RUSC2: variants seen among roughly 807,000 people sequenced by gnomAD.
RUSC2 encodes the protein RUN and SH3 domain containing 2, also known as AP-4 complex accessory subunit RUSC2.
A neutral mutation model predicts 122.2 loss-of-function variants in RUSC2; 34 were observed. The ratio of observed to expected loss-of-function variants is 0.28; its 90% CI spans 0.21 to 0.37. The LOEUF (loss-of-function observed/expected upper bound fraction) is 0.37. RUSC2 is among the 10% of genes least tolerant of loss of function. The pLI is 1.00. For synonymous variants in RUSC2, 784 were observed against 790.0 expected (o/e 0.99, Z 0.13); for missense variants, 1,747 against 1,952.4 (o/e 0.89, Z 1.98).
In RUSC2 at chr9:35,548,034, C is replaced by T. The variant is rs200615669; in HGVS notation, c.1513C>T (p.Arg505Cys). 22 of 1,613,636 alleles carry T rather than the reference C, an allele frequency of 1.4e-5. No individual in the cohort carries two copies. The highest frequency in any genetic ancestry group is 5.0e-5 in the Admixed American group (3 of 60,016). ...RSRSYDRSLQ[R>C]SPPVRLGSLE... ...CCGCAGCTATGATCGCAGCCTGCAG[C>T]GCAGCCCTCCTGTCCGCCTGGGCTC... Residue 505 changes from arginine to cysteine, a missense_variant, in exon 2 of 12, where the codon CGC (arginine) becomes TGC (cysteine). Coordinates refer to ENST00000361226, the MANE Select transcript of RUSC2 (RefSeq NM_014806.5). The surrounding 1 kb of genome is among the most constrained non-coding windows in gnomAD (Gnocchi z 4.5).
intron 1 of RUSC2, among the ~76,000 whole-genome samples, chr9:35,500,634 G>A (rs982272260): frequency 6.6e-6 from 1 of 152,166 alleles, no homozygotes. Flanking sequence ...AATTTCTCAA[G>A]GTGGCTACTT....
chr9:35,539,193 G>T (rs1433982121), intron 1 of RUSC2: 1 of 142,328 alleles, frequency 7.0e-6, no homozygotes, highest in Non-Finnish European at 1.5e-5. Context: ...TCTGAGGGTT[G>T]GCTTTGTCTT....
At chr9:35,559,990 G>GT (rs1452725624) in intron 9 of RUSC2, 39 bp from the exon 10 acceptor site, 50 of 1,517,926 alleles carry the variant, frequency 3.3e-5, no homozygotes, top group Middle Eastern at 3.5e-4. Flanking sequence ...CCAGGCTCTG[G>GT]TTCTCTGTGT....
In RUSC2 at chr9:35,555,040, T is replaced by C. The variant is rs1217812995; in HGVS notation, c.2015-20T>C. On this transcript the variant is annotated intron_variant, in intron 2 of 11. Transcript: ENST00000361226. The surrounding 1 kb of genome is among the most constrained non-coding windows in gnomAD (Gnocchi z 4.6). ...TTTCAGTGTCTGTCTACTGATTTCT[T>C]CTCCATCCCTTTGCTACAGGGGGTG... 3.1e-6 allele frequency: 5 copies of C among 1,608,192 alleles called. No individual in the cohort carries two copies. In the East Asian group the frequency reaches 8.9e-5, roughly 29 times the overall value.
intron 2 of RUSC2, among the ~76,000 whole-genome samples, chr9:35,553,069 G>A (rs778701796): frequency 1.7e-4 from 26 of 152,188 alleles, no homozygotes; most frequent in Non-Finnish European, 3.2e-4. Flanking sequence ...ACTTAAATAG[G>A]CGGAAAGGAA....
At chr9:35,501,573 T>A (rs1476261317) in intron 1 of RUSC2, among the ~76,000 whole-genome samples, 1 of 152,138 alleles carries the variant, frequency 6.6e-6, no homozygotes, top group African/African-American at 2.4e-5. Flanking sequence ...TGAGGCTCCA[T>A]CTCAAAAGAA....
chr9:35,529,147 T>C (rs756855044), intron 1 of RUSC2, among the ~76,000 whole-genome samples: 6 of 152,078 alleles, frequency 3.9e-5, no homozygotes, highest in Non-Finnish European at 5.9e-5. Context: ...TTGAACATCA[T>C]TGGGGAAATA....
At chr9:35,554,167 T>C (rs904746526) in intron 2 of RUSC2, among the ~76,000 whole-genome samples, 1 of 152,072 alleles carries the variant, frequency 6.6e-6, no homozygotes, top group Non-Finnish European at 1.5e-5. Flanking sequence ...AGATCTACAG[T>C]GTTTTGTTGG....
intron 1 of RUSC2, among the ~76,000 whole-genome samples, chr9:35,511,944 G>A (rs975434118): frequency 1.3e-5 from 2 of 152,168 alleles, no homozygotes; most frequent in African/African-American, 4.8e-5. Context: ...ACTTTGGGAG[G>A]CCGAGGCAGG....
At chr9:35,493,318 TC>T (rs1820605309) in intron 1 of RUSC2, among the ~76,000 whole-genome samples, 2 of 152,176 alleles carry the variant, frequency 1.3e-5, no homozygotes, top group Non-Finnish European at 2.9e-5. Flanking sequence ...ATGATCTCAT[TC>T]TTTTTTATGG....
At chr9:35,530,807 T>A (rs181050930) in intron 1 of RUSC2, among the ~76,000 whole-genome samples, 114 of 152,064 alleles carry the variant, frequency 7.5e-4, no homozygotes, top group Admixed American at 2.2e-3. Flanking sequence ...ACCTGGCTAA[T>A]TTTTGTATTT....
intron 1 of RUSC2, among the ~76,000 whole-genome samples, chr9:35,528,122 A>T (rs1821355450): frequency 6.6e-6 from 1 of 152,234 alleles, no homozygotes; most frequent in African/African-American, 2.4e-5. Flanking sequence ...ACTGTGGCTC[A>T]TGCCTATAAT....
At position 35,560,091 on chromosome 9, in the gene RUSC2, G is replaced by A. The variant is rs369185817; in HGVS notation, c.3451G>A (p.Gly1151Ser). The A allele has an allele frequency of 1.8e-5, 29 of 1,613,722 alleles. No individual in the cohort carries two copies. Among genetic ancestry groups the A allele is most frequent in the African/African-American group, 1.3e-4 (10 of 75,042 alleles). Reference sequence around the variant, plus strand: ...GAGTGCAGCTCATACCGTGTGTCCCGGCCTCTTTGAAGAGCTGCTGCTGCT... The same window carrying A: ...GAGTGCAGCTCATACCGTGTGTCCCAGCCTCTTTGAAGAGCTGCTGCTGCT... ...FLSAAHTVCP[G>S]LFEELLLLLQ... is the part of the protein sequence containing the mutation. The change falls in exon 10 of 12, where the codon GGC (glycine) becomes AGC (serine). Residue 1151 changes from glycine to serine, a missense_variant. By Grantham distance (56) the Gly-to-Ser change is moderately conservative. Transcript: ENST00000361226.
rs911145765 is a variant in RUSC2, at chr9:35,560,658, G to C, written c.4018G>C (p.Gly1340Arg). 1.3e-6 allele frequency: 2 copies of C among 1,589,782 alleles called. No individual in the cohort carries two copies. Among genetic ancestry groups the C allele is most frequent in the Non-Finnish European group, 1.7e-6 (2 of 1,167,312 alleles). Residue 1340 changes from glycine (G) to arginine (R), a missense_variant, in exon 10 of 12, where the codon GGC (glycine) becomes CGC (arginine). Coordinates refer to ENST00000361226, the MANE Select transcript of RUSC2 (RefSeq NM_014806.5). ...ASEEALGRER[G>R]WPFWMGSPPD... ...TGAGGAGGCCCTGGGCCGGGAAAGGGGCTGGCCCTTCTGGATGGGGAGCCC... is the reference window on the plus strand; with the variant it reads ...TGAGGAGGCCCTGGGCCGGGAAAGGCGCTGGCCCTTCTGGATGGGGAGCCC...
chr9:35,512,965 C>T (rs937991633), intron 1 of RUSC2, among the ~76,000 whole-genome samples: 7 of 152,264 alleles, frequency 4.6e-5, no homozygotes, highest in Middle Eastern at 3.4e-3. Context: ...CCTAACAGTT[C>T]CCTCCTTGTA....
Position 35,555,094 on chromosome 9 carries a change from C to T in RUSC2, c.2049C>T (p.Tyr683=). The change falls in exon 3 of 12, where the codon TAC becomes TAT. Residue 683 remains tyrosine (Y), a synonymous_variant. Transcript: ENST00000361226. This position sits in a 1 kb window ranked among gnomAD's most constrained non-coding sequence, Gnocchi z 4.6. The stretch of plus-strand genomic sequence containing the variant: ...CCGAGAGCCGACCAGTCCTTCGCTA[C>T]AGCAAGGAACAGAGGCCAACCACAC... The part of the protein sequence containing the change: ...GGTESRPVLR[Y]SKEQRPTTLP... 1.2e-6 allele frequency: 2 copies of T among 1,613,574 alleles called. No individual in the cohort carries two copies. Among genetic ancestry groups the T allele is most frequent in the African/African-American group, 1.3e-5 (1 of 75,022 alleles).
In RUSC2 at chr9:35,560,240, G is replaced by C. The variant is rs1450226651; in HGVS notation, c.3600G>C (p.Leu1200=). The C allele has an allele frequency of 6.2e-7, 1 of 1,601,262 alleles. No homozygotes were observed. Among genetic ancestry groups the C allele is most frequent in the Non-Finnish European group, 8.5e-7 (1 of 1,176,492 alleles). The change falls in exon 10 of 12, where the codon CTG becomes CTC. Residue 1200 remains leucine (L), a synonymous_variant. Coordinates refer to ENST00000361226, the MANE Select transcript of RUSC2 (RefSeq NM_014806.5). ...ELLRVSQDLL[L]SAHSTLQLAR... ...TGCGGGTGTCCCAGGACCTGCTGCTGTCTGCCCACTCCACGCTGCAGCTGG... is the reference window on the plus strand; with the variant it reads ...TGCGGGTGTCCCAGGACCTGCTGCTCTCTGCCCACTCCACGCTGCAGCTGG...
intron 1 of RUSC2, among the ~76,000 whole-genome samples, chr9:35,496,243 C>G (rs776720949): frequency 6.6e-6 from 1 of 152,102 alleles, no homozygotes; most frequent in Non-Finnish European, 1.5e-5. Flanking sequence ...TCAGGAAGCT[C>G]TCAGAGAGGA....
In RUSC2 at chr9:35,547,935, G is replaced by A; in HGVS notation, c.1414G>A (p.Gly472Ser). The A allele has an allele frequency of 6.2e-7, 1 of 1,614,224 alleles. No individual in the cohort carries two copies. The highest frequency in any genetic ancestry group is 2.2e-5 in the East Asian group (1 of 44,878). ...SSSTQAAAAV[G>S]PTVLEGQVYT... Reference sequence around the variant, plus strand: ...CTCCACCCAAGCAGCAGCTGCTGTGGGCCCCACTGTGCTTGAGGGACAAGT... The same window carrying A: ...CTCCACCCAAGCAGCAGCTGCTGTGAGCCCCACTGTGCTTGAGGGACAAGT... The change falls in exon 2 of 12, where the codon GGC becomes AGC. Residue 472 changes from glycine to serine, a missense_variant. Physicochemically the swap from Gly to Ser is moderately conservative, Grantham distance 56. Coordinates refer to ENST00000361226, the MANE Select transcript of RUSC2 (RefSeq NM_014806.5). This position sits in a 1 kb window ranked among gnomAD's most constrained non-coding sequence, Gnocchi z 4.6.
Sources: allele counts gnomAD v4.1 joint callset (sites outside exome capture counted in the v4.1 genomes callset), GRCh38; gene constraint gnomAD v4.1.1; non-coding constraint Gnocchi (gnomAD v3.1); transcripts MANE v1.5; gene names NCBI Gene and HGNC (gene_info 2026-07-23, HGNC 2026-07-21).